ZNF711: variants seen among roughly 807,000 people sequenced by gnomAD.
The protein encoded by ZNF711 is ZFX family zinc finger ZNF711, also known as zinc finger protein 711.
In ZNF711, 3 loss-of-function variants were observed where a neutral mutation model predicts 43.5. The ratio of observed to expected loss-of-function variants is 0.07; its 90% CI spans 0.03 to 0.18. The LOEUF is 0.18. ZNF711 is among the 10% of genes least tolerant of loss of function. ZNF711 has a pLI of 1.00. For missense variants in ZNF711, 412 were observed against 604.0 expected, an observed-to-expected ratio of 0.68 and a Z score of 3.33; for synonymous variants, 209 against 207.7, an observed-to-expected ratio of 1.01 and a Z score of -0.06.
intron 4 of ZNF711, among the ~76,000 whole-genome samples, chrX:85,254,440 T>TA (rs745340995): frequency 5.0e-5 from 4 of 80,434 alleles, no homozygotes; most frequent in African/African-American, 1.2e-4. Flanking sequence ...CCGTCTCTAC[T>TA]AAAAAAAATA....
intron 5 of ZNF711, 128 bp downstream of exon 5, chrX:85,255,929 G>A (rs1930094635): frequency 2.4e-5 from 15 of 625,673 alleles, no homozygotes; most frequent in Non-Finnish European, 3.3e-5. Flanking sequence ...ATTTTTTGAA[G>A]CAGTGTCATT....
At chrX:85,266,433 G>A (rs1390001932) in intron 7 of ZNF711, among the ~76,000 whole-genome samples, 1 of 111,379 alleles carries the variant, frequency 9.0e-6, no homozygotes, top group Non-Finnish European at 1.9e-5. Flanking sequence ...CTATGGGAAT[G>A]TGGGAAACTT....
At chrX:85,263,785 T>A (rs1422965371) in intron 5 of ZNF711, among the ~76,000 whole-genome samples, 1 of 111,467 alleles carries the variant, frequency 9.0e-6, no homozygotes, top group East Asian at 2.8e-4. Flanking sequence ...AAGTATTTTG[T>A]ATCTATTAAT....
chrX:85,244,517 GGTGAA>G (rs1397602589), intron 1 of ZNF711, among the ~76,000 whole-genome samples: 2 of 111,388 alleles, frequency 1.8e-5, no homozygotes, highest in African/African-American at 6.5e-5. Context: ...AAAACAAAAC[GGTGAA>G]GTGAAGAATG....
At chrX:85,246,331 A>C (rs757156215) in intron 2 of ZNF711, among the ~76,000 whole-genome samples, 1 of 112,237 alleles carries the variant, frequency 8.9e-6, no homozygotes, top group Non-Finnish European at 1.9e-5. Flanking sequence ...AAAATTGTGA[A>C]GTTTGCTCAT....
At chrX:85,251,895 A>G (rs1380485144) in intron 4 of ZNF711, among the ~76,000 whole-genome samples, 1 of 110,838 alleles carries the variant, frequency 9.0e-6, no homozygotes, top group Non-Finnish European at 1.9e-5. Flanking sequence ...TCCAGCTAGG[A>G]CCTTGTGGCA....
At chrX:85,252,686 C>T (rs1378079315) in intron 4 of ZNF711, among the ~76,000 whole-genome samples, 1 of 111,595 alleles carries the variant, frequency 9.0e-6, no homozygotes, top group Non-Finnish European at 1.9e-5. Context: ...GGAGTAACAA[C>T]TGAATTAAAA....
intron 4 of ZNF711, among the ~76,000 whole-genome samples, chrX:85,251,036 T>C (rs188803769): frequency 4.3e-4 from 48 of 111,696 alleles, no homozygotes; most frequent in African/African-American, 1.5e-3. Context: ...TGTTAAAATT[T>C]CTAAATTCTA....
intron 9 of ZNF711, 109 bp downstream of exon 9, chrX:85,268,450 C>G: frequency 1.1e-6 from 1 of 900,531 alleles, no homozygotes; most frequent in Non-Finnish European, 1.6e-6. Context: ...TGGACTCTTA[C>G]TTGCTTAGTC....
chrX:85,267,550 C>G (rs1931188759), intron 8 of ZNF711, 135 bp downstream of exon 8: 2 of 435,532 alleles, frequency 4.6e-6, no homozygotes, highest in East Asian at 4.7e-5. Flanking sequence ...TGGACTGATT[C>G]ATCTCTAGTT....
At chrX:85,249,084 A>G (rs929066744) in intron 4 of ZNF711, among the ~76,000 whole-genome samples, 9 of 112,079 alleles carry the variant, frequency 8.0e-5, no homozygotes, top group South Asian at 3.7e-4. Flanking sequence ...TAATTGATGA[A>G]ATATAAAGAA....
intron 7 of ZNF711, 71 bp downstream of exon 7, chrX:85,265,326 T>C (rs2147857024): frequency 1.8e-6 from 2 of 1,083,700 alleles, no homozygotes; most frequent in Non-Finnish European, 1.3e-6. Flanking sequence ...ATCTCAGAGA[T>C]ACAAGCACTG....
Position 85,272,746 on chromosome X carries a change from G to T in ZNF711, c.*918G>T, listed in dbSNP as rs1014181245. The T allele has an allele frequency of 9.0e-6, 1 of 111,615 alleles. No homozygotes were observed. The highest frequency in any genetic ancestry group is 1.9e-5 in the Non-Finnish European group (1 of 52,899). 9.2% of individuals were successfully genotyped at this position (111,615 alleles called of 1,213,427 possible). A position where few individuals can be genotyped will look rare whatever the true frequency, so the allele number is the denominator to read the frequency against. Reference sequence around the variant, plus strand: ...CTTACTTGCTCTAATGTTTAAAGGTGCAATTTTATGCCATTATTGAAATTG... The same window carrying T: ...CTTACTTGCTCTAATGTTTAAAGGTTCAATTTTATGCCATTATTGAAATTG... On this transcript the variant is annotated 3_prime_UTR_variant, in exon 11 of 11. Coordinates refer to ENST00000674551, the MANE Select transcript of ZNF711 (RefSeq NM_001330574.2).
At chrX:85,252,356 A>G (rs1929619605) in intron 4 of ZNF711, among the ~76,000 whole-genome samples, 2 of 111,621 alleles carry the variant, frequency 1.8e-5, no homozygotes, top group Admixed American at 9.5e-5. Flanking sequence ...CTTAGAATCC[A>G]CCCAACCAGG....
Position 85,265,263 on chromosome X carries a change from A to G in ZNF711, c.916+8A>G, listed in dbSNP as rs757546103. The G allele has an allele frequency of 5.8e-6, 7 of 1,204,014 alleles. No homozygotes were observed. In the East Asian group the frequency reaches 2.1e-4, roughly 36 times the overall value. ...AAGAAGAAGATGATATCAGTAAGAAAATAAGGGCACTGTAGTGACTTATCA... is the reference window on the plus strand; with the variant it reads ...AAGAAGAAGATGATATCAGTAAGAAGATAAGGGCACTGTAGTGACTTATCA... On this transcript the variant is annotated splice_region_variant and intron_variant, in intron 7 of 10. Transcript: ENST00000674551.
chrX:85,258,294 A>G (rs1354893499), intron 5 of ZNF711, among the ~76,000 whole-genome samples: 3 of 110,948 alleles, frequency 2.7e-5, no homozygotes, highest in Non-Finnish European at 5.7e-5. Flanking sequence ...AACCAAATAT[A>G]TGTTTTCTCT....
chrX:85,260,252 C>T (rs747912294), intron 5 of ZNF711, among the ~76,000 whole-genome samples: 2 of 110,724 alleles, frequency 1.8e-5, no homozygotes, highest in Non-Finnish European at 3.8e-5. Context: ...CCTAGTTGAT[C>T]ATGGTGTTTT....
rs199938735 is a variant in ZNF711, at chrX:85,269,381, C to CTT, written c.1103-612_1103-611dup. Among the ~76,000 whole-genome samples, 209 of 90,055 alleles carry CTT rather than the reference C, an allele frequency of 2.3e-3. 1 individual carries two copies. The highest frequency in any genetic ancestry group is 8.0e-3 in the African/African-American group (200 of 24,934). The allele number at this position is 90,055 out of a possible 115,157, so 78.2% of individuals were successfully genotyped here. A position where few individuals can be genotyped will look rare whatever the true frequency, so the allele number is the denominator to read the frequency against. Reference sequence around the variant, plus strand: ...CTTTTTCTTTCTTTCTTTCTTTTTTCTTTTTTTTTTTCAAGAGACAGGGTC... The same window carrying CTT: ...CTTTTTCTTTCTTTCTTTCTTTTTTCTTTTTTTTTTTTTCAAGAGACAGGGTC... On this transcript the variant is annotated intron_variant, in intron 9 of 10. Coordinates refer to ENST00000674551, the MANE Select transcript of ZNF711 (RefSeq NM_001330574.2).
intron 1 of ZNF711, among the ~76,000 whole-genome samples, chrX:85,245,199 A>G (rs1333263690): frequency 6.2e-5 from 7 of 112,026 alleles, no homozygotes; most frequent in South Asian, 7.6e-4. Flanking sequence ...CCGTCACCCT[A>G]TTGACATCAC....
Sources: allele counts gnomAD v4.1 joint callset (sites outside exome capture counted in the v4.1 genomes callset), GRCh38; gene constraint gnomAD v4.1.1; transcripts MANE v1.5; gene names NCBI Gene and HGNC (gene_info 2026-07-23, HGNC 2026-07-21).